Variants in RIMS2 observed in about 807,000 individuals in gnomAD.
The protein encoded by RIMS2 is regulating synaptic membrane exocytosis 2.
In RIMS2, 59 loss-of-function variants were observed where a neutral mutation model predicts 174.4. The observed-to-expected ratio is 0.34, with a 90% CI of 0.27 to 0.42. The LOEUF is 0.42. Ranked by LOEUF, RIMS2 falls within the 10% of genes least tolerant of loss-of-function variation. The pLI, the probability that RIMS2 is intolerant of heterozygous loss-of-function variation, is 1.00. For missense variants in RIMS2, 1,620 were observed against 1,666.3 expected, an observed-to-expected ratio of 0.97 and a Z score of 0.48; for synonymous variants, 606 against 572.5, an observed-to-expected ratio of 1.06 and a Z score of -0.84.
chr8:103,560,321 G>T (rs1364671237), intron 1 of RIMS2, among the ~76,000 whole-genome samples: 2 of 152,132 alleles, frequency 1.3e-5, no homozygotes, highest in African/African-American at 4.8e-5. Flanking sequence ...AGGTTGCAGT[G>T]AGCCAAGATT....
At chr8:104,225,237 G>A (rs1057268132) in intron 19 of RIMS2, among the ~76,000 whole-genome samples, 5 of 152,140 alleles carry the variant, frequency 3.3e-5, no homozygotes, top group African/African-American at 1.2e-4. Context: ...GACTGAGGCA[G>A]GGAGAGAGTT....
At chr8:103,832,407 G>A (rs995179824) in intron 3 of RIMS2, among the ~76,000 whole-genome samples, 34 of 152,036 alleles carry the variant, frequency 2.2e-4, no homozygotes, top group African/African-American at 7.7e-4. Flanking sequence ...TTAAGTTCAG[G>A]GGTGCATGTG....
chr8:103,960,130 TG>T (rs1466206026), intron 14 of RIMS2, among the ~76,000 whole-genome samples: 1 of 152,130 alleles, frequency 6.6e-6, no homozygotes, highest in Non-Finnish European at 1.5e-5. Flanking sequence ...AGAATTCTGT[TG>T]TGTGGGGTGT....
intron 10 of RIMS2, chr8:103,927,773 C>G: frequency 2.9e-6 from 3 of 1,038,762 alleles, no homozygotes; most frequent in Non-Finnish European, 4.4e-6. Context: ...TACTTTTGGT[C>G]TTTTAGTTCC....
chr8:103,740,058 T>A (rs1255598725), intron 2 of RIMS2, among the ~76,000 whole-genome samples: 1 of 152,160 alleles, frequency 6.6e-6, no homozygotes, highest in African/African-American at 2.4e-5. Flanking sequence ...TACTTTAATT[T>A]AGAGTGGACG....
chr8:104,169,701 A>T (rs530267215), intron 19 of RIMS2, among the ~76,000 whole-genome samples: 1 of 150,698 alleles, frequency 6.6e-6, no homozygotes, highest in South Asian at 2.1e-4. Flanking sequence ...TTTGTTATTT[A>T]TTTTCTTCTA....
intron 1 of RIMS2, among the ~76,000 whole-genome samples, chr8:103,568,243 A>G (rs944712141): frequency 1.3e-5 from 2 of 152,166 alleles, no homozygotes; most frequent in Non-Finnish European, 2.9e-5. Flanking sequence ...GGTGGCACTG[A>G]TCTGTGATCC....
chr8:104,199,256 G>A, intron 19 of RIMS2, among the ~76,000 whole-genome samples: 1 of 151,832 alleles, frequency 6.6e-6, no homozygotes, highest in Non-Finnish European at 1.5e-5. Flanking sequence ...TAGAGACGGG[G>A]TTTCACAGTG....
intron 1 of RIMS2, among the ~76,000 whole-genome samples, chr8:103,578,568 A>C (rs911422391): frequency 1.3e-5 from 2 of 151,978 alleles, no homozygotes; most frequent in Non-Finnish European, 2.9e-5. Context: ...AACAACAACA[A>C]CAACAAAAAA....
intron 3 of RIMS2, among the ~76,000 whole-genome samples, chr8:103,863,920 G>GT (rs372603575): frequency 2.3e-4 from 30 of 131,110 alleles, no homozygotes; most frequent in South Asian, 1.9e-3. Flanking sequence ...TTGTTTGTTT[G>GT]TTTTTTTTGA....
chr8:103,959,492 G>A (rs2154545140), intron 14 of RIMS2, among the ~76,000 whole-genome samples: 1 of 151,558 alleles, frequency 6.6e-6, no homozygotes. Flanking sequence ...GCGTGATCTT[G>A]GCTCACTGCA....
At chr8:103,733,900 G>A (rs1442418846) in intron 2 of RIMS2, among the ~76,000 whole-genome samples, 1 of 151,474 alleles carries the variant, frequency 6.6e-6, no homozygotes, top group Admixed American at 6.6e-5. Flanking sequence ...CCTGCTTTGG[G>A]TTTTTATGAT....
chr8:103,642,149 CTTCTT>C (rs1215519527), intron 1 of RIMS2, among the ~76,000 whole-genome samples: 2 of 152,018 alleles, frequency 1.3e-5, no homozygotes. Context: ...TTTTCTCTCT[CTTCTT>C]TTGCTTTATT....
chr8:103,798,797 T>A (rs2098578389), intron 3 of RIMS2, among the ~76,000 whole-genome samples: 1 of 152,124 alleles, frequency 6.6e-6, no homozygotes, highest in African/African-American at 2.4e-5. Context: ...GGATGTTACC[T>A]TACCTGGCAA....
chr8:103,696,729 G>A (rs1427998324), intron 1 of RIMS2, among the ~76,000 whole-genome samples: 1 of 151,770 alleles, frequency 6.6e-6, no homozygotes, highest in East Asian at 1.9e-4. Context: ...CTGGCGTGGT[G>A]GTGTGTGCCT....
At chr8:103,614,725 GAGTATATCTT>G (rs1225742971) in intron 1 of RIMS2, among the ~76,000 whole-genome samples, 15 of 152,160 alleles carry the variant, frequency 9.9e-5, no homozygotes, top group African/African-American at 3.6e-4. Context: ...CATCACAAAG[GAGTATATCTT>G]AGTATATCTT....
At chr8:103,559,918 C>T (rs561521212) in intron 1 of RIMS2, among the ~76,000 whole-genome samples, 1 of 152,198 alleles carries the variant, frequency 6.6e-6, no homozygotes, top group South Asian at 2.1e-4. Context: ...ATAAAGAAGG[C>T]CAGATTATAC....
intron 3 of RIMS2, among the ~76,000 whole-genome samples, chr8:103,837,688 A>G: frequency 6.6e-6 from 1 of 152,158 alleles, no homozygotes. Context: ...AAAGGACATG[A>G]ACTCATCCTT....
intron 1 of RIMS2, among the ~76,000 whole-genome samples, chr8:103,538,316 C>A (rs928916139): frequency 2.0e-5 from 3 of 151,926 alleles, no homozygotes; most frequent in Non-Finnish European, 4.4e-5. Flanking sequence ...TTATATTCAC[C>A]TTTTATTCTT....
Sources: gnomAD v4.1 joint callset for allele counts (sites outside exome capture counted in the v4.1 genomes callset) on GRCh38, gnomAD v4.1.1 for gene constraint, MANE v1.5 for transcripts, NCBI Gene and HGNC (gene_info 2026-07-23, HGNC 2026-07-21) for gene names.